Variants in CASD1 observed in about 807,000 individuals in gnomAD.
CASD1 encodes the protein N-acetylneuraminate (7)9-O-acetyltransferase.
Under a neutral mutation model 100.0 loss-of-function variants are expected in CASD1, and 41 were observed. The observed-to-expected ratio is 0.41, with a 90% CI of 0.32 to 0.53. CASD1 has a LOEUF of 0.53. CASD1 is among the 20% of genes least tolerant of loss of function. CASD1 has a pLI of 0.25. For missense variants in CASD1, 774 were observed against 948.7 expected, an observed-to-expected ratio of 0.82 and a Z score of 2.42; for synonymous variants, 321 against 315.6, an observed-to-expected ratio of 1.02 and a Z score of -0.18.
In CASD1 at chr7:94,555,784, A is replaced by T. The variant is rs1796175058; in HGVS notation, c.*26A>T. On this transcript the variant is annotated 3_prime_UTR_variant, in exon 18 of 18. Coordinates refer to ENST00000297273, the MANE Select transcript of CASD1 (RefSeq NM_022900.5). Reference sequence around the variant, plus strand: ...GTTCCAAAAATTCTAAAAAACCTAAACTCTTCAGGCTACCTTTGTGTGTCT... The same window carrying T: ...GTTCCAAAAATTCTAAAAAACCTAATCTCTTCAGGCTACCTTTGTGTGTCT... The T allele has an allele frequency of 3.8e-6, 6 of 1,597,026 alleles. No individual in the cohort carries two copies. Among genetic ancestry groups the T allele is most frequent in the Non-Finnish European group, 5.1e-6 (6 of 1,172,618 alleles).
At chr7:94,575,002 T>A in the CASD1 span, among the ~76,000 whole-genome samples, 940 of 152,202 alleles carry the variant, frequency 6.2e-3, 6 homozygotes, top group Middle Eastern at 0.017. Flanking sequence ...CCCCAATTCC[T>A]GGATTTGTTG....
At chr7:94,547,728 A>G (rs1021869708) in intron 13 of CASD1, among the ~76,000 whole-genome samples, 1 of 151,702 alleles carries the variant, frequency 6.6e-6, no homozygotes, top group African/African-American at 2.4e-5. Context: ...CAGGATGGCA[A>G]TCTTGCTACC....
the CASD1 span, among the ~76,000 whole-genome samples, chr7:94,601,829 G>A: frequency 1.3e-5 from 2 of 152,032 alleles, no homozygotes; most frequent in African/African-American, 4.8e-5. Context: ...ACACAGCCTT[G>A]TGCTTATTTT....
the CASD1 span, chr7:94,618,934 T>G: frequency 1.2e-6 from 2 of 1,613,504 alleles, no homozygotes; most frequent in Non-Finnish European, 1.7e-6. Flanking sequence ...TGAAGAATTC[T>G]GCTTGATATG....
chr7:94,552,101 T>C, intron 15 of CASD1: 1 of 415,572 alleles, frequency 2.4e-6, no homozygotes, highest in Non-Finnish European at 4.2e-6. Flanking sequence ...GAGCCATCAC[T>C]GCCTTTTGAT....
chr7:94,569,906 C>T, the CASD1 span, among the ~76,000 whole-genome samples: 14 of 150,592 alleles, frequency 9.3e-5, no homozygotes, highest in Admixed American at 6.6e-5. Flanking sequence ...CTCTGCCTCC[C>T]GGGTTCATGC....
At position 94,554,534 on chromosome 7, in the gene CASD1, T is replaced by A. The variant is rs965862536; in HGVS notation, c.2086T>A (p.Tyr696Asn). 6.2e-7 allele frequency: 1 copy of A among 1,612,426 alleles called. No homozygotes were observed. The highest frequency in any genetic ancestry group is 1.3e-5 in the African/African-American group (1 of 74,884). Reference protein sequence around the residue: ...RNIPGYARSVYSSFFAWFGKI... With the variant: ...RNIPGYARSVNSSFFAWFGKI... ...CATCCCTGGATATGCCCGTTCAGTTTACAGTTCATTTTTTGCTTGGTTTGG... is the reference window on the plus strand; with the variant it reads ...CATCCCTGGATATGCCCGTTCAGTTAACAGTTCATTTTTTGCTTGGTTTGG... Residue 696 changes from tyrosine to asparagine, a missense_variant, in exon 17 of 18, where the codon TAC becomes AAC. This residue lies in a region of CASD1 where 175 missense variants were observed against 206.9 expected (regional missense o/e 0.85). Coordinates refer to ENST00000297273, the MANE Select transcript of CASD1 (RefSeq NM_022900.5).
the CASD1 span, among the ~76,000 whole-genome samples, chr7:94,605,684 G>T: frequency 1.8e-4 from 27 of 152,026 alleles, no homozygotes; most frequent in Non-Finnish European, 1.8e-4. Flanking sequence ...TACAACTGAT[G>T]TGTTAAAAGA....
At chr7:94,588,620 A>C in the CASD1 span, 1 of 1,550,306 alleles carries the variant, frequency 6.5e-7, no homozygotes, top group East Asian at 2.4e-5. Context: ...TAAATTATAT[A>C]GTGCCATAAT....
downstream of CASD1, among the ~76,000 whole-genome samples, chr7:94,559,324 G>GTGTA (rs747599131): frequency 5.5e-5 from 7 of 128,194 alleles, no homozygotes; most frequent in Non-Finnish European, 1.0e-4. Context: ...GTGTGTGTGT[G>GTGTA]TATATATATA....
intron 10 of CASD1, among the ~76,000 whole-genome samples, chr7:94,541,657 A>C (rs1270668192): frequency 6.7e-6 from 1 of 149,338 alleles, no homozygotes; most frequent in Non-Finnish European, 1.5e-5. Flanking sequence ...GCAGAACTGG[A>C]AGTCAAACTA....
At chr7:94,523,264 C>G (rs180813962) in intron 3 of CASD1, among the ~76,000 whole-genome samples, 3 of 152,140 alleles carry the variant, frequency 2.0e-5, no homozygotes, top group African/African-American at 7.2e-5. Context: ...TCATATGATA[C>G]AATTCTCTAC....
chr7:94,547,350 T>C (rs1018192714), intron 13 of CASD1, among the ~76,000 whole-genome samples, 175 bp downstream of exon 13: 13 of 151,908 alleles, frequency 8.6e-5, no homozygotes, highest in Non-Finnish European at 1.5e-4. Context: ...ATATATACTT[T>C]GTTACCACTG....
At chr7:94,624,304 C>T in the CASD1 span, 1 of 397,462 alleles carries the variant, frequency 2.5e-6, no homozygotes, top group Non-Finnish European at 4.4e-6. Context: ...ATATCTTGTG[C>T]ATTTTAAAAC....
At chr7:94,531,251 G>A (rs377557380) in intron 5 of CASD1, among the ~76,000 whole-genome samples, 3 of 152,062 alleles carry the variant, frequency 2.0e-5, no homozygotes, top group African/African-American at 7.2e-5. Flanking sequence ...CATAATTCAT[G>A]GATCATAGCT....
rs767308563 is a variant in CASD1 at position 94,551,397 on chromosome 7, A to G, written c.1875A>G (p.Ile625Met). The change falls in exon 15 of 18, where the codon ATA becomes ATG. Residue 625 changes from isoleucine (I) to methionine (M), a missense_variant. Coordinates refer to ENST00000297273, the MANE Select transcript of CASD1 (RefSeq NM_022900.5). ...FIYLALQKRQ[I>M]LSEGKGEPLF... ...ATCTGGCTTTGCAGAAGCGTCAAATACTTTCTGAAGGAAAGGGTGAACCTC... is the reference window on the plus strand; with the variant it reads ...ATCTGGCTTTGCAGAAGCGTCAAATGCTTTCTGAAGGAAAGGGTGAACCTC... 42 of 1,560,574 alleles carry G rather than the reference A, an allele frequency of 2.7e-5. No individual in the cohort carries two copies. The highest frequency in any genetic ancestry group is 3.6e-5 in the Non-Finnish European group (42 of 1,160,548).
At chr7:94,542,043 ATTG>A (rs1018706238) in intron 10 of CASD1, among the ~76,000 whole-genome samples, 4 of 152,208 alleles carry the variant, frequency 2.6e-5, no homozygotes, top group African/African-American at 4.8e-5. Context: ...AACTTGGAAA[ATTG>A]TTGTTACAGT....
intron 3 of CASD1, 82 bp from the exon 4 acceptor site, chr7:94,527,080 A>G (rs993706337): frequency 9.7e-7 from 1 of 1,032,916 alleles, no homozygotes; most frequent in African/African-American, 1.6e-5. Context: ...ATGCATAAAA[A>G]TAAATCAAAG....
the CASD1 span, among the ~76,000 whole-genome samples, chr7:94,604,638 G>T: frequency 2.7e-5 from 4 of 150,176 alleles, no homozygotes; most frequent in African/African-American, 7.3e-5. Context: ...AAAAAGGAAA[G>T]AATAGTTGTT....
Sources: allele counts gnomAD v4.1 joint callset (sites outside exome capture counted in the v4.1 genomes callset), GRCh38; gene constraint gnomAD v4.1.1; regional missense constraint gnomAD v4.1.1; transcripts MANE v1.5; gene names NCBI Gene and HGNC (gene_info 2026-07-23, HGNC 2026-07-21).